Variants in MAP3K15 observed in about 807,000 individuals in gnomAD.
MAP3K15 encodes the protein mitogen-activated protein kinase kinase kinase 15.
A neutral mutation model predicts 99.5 loss-of-function variants in MAP3K15; 124 were observed. The ratio of observed to expected loss-of-function variants is 1.25; its 90% CI spans 1.08 to 1.45. The LOEUF is 1.45. Ranked by LOEUF, MAP3K15 falls within the 40% of genes most tolerant of loss-of-function variation. The pLI is 0.00. For synonymous variants in MAP3K15, 494 were observed against 439.6 expected, an observed-to-expected ratio of 1.12 and a Z score of -1.55; for missense variants, 1,242 against 1,079.7, an observed-to-expected ratio of 1.15 and a Z score of -2.11.
At chrX:19,418,879 A>T (rs1194099411) in intron 9 of MAP3K15, among the ~76,000 whole-genome samples, 19 of 112,131 alleles carry the variant, frequency 1.7e-4, no homozygotes, top group Middle Eastern at 4.6e-3. Context: ...GTGGGGGCCA[A>T]TATTCAACAT....
intron 18 of MAP3K15, among the ~76,000 whole-genome samples, chrX:19,383,916 G>A (rs1196576904): frequency 8.9e-6 from 1 of 111,885 alleles, no homozygotes; most frequent in Non-Finnish European, 1.9e-5. Context: ...CCACTATGGA[G>A]AACAGTTTGG....
In MAP3K15 at chrX:19,361,035, C is replaced by G. The variant is rs2063279016; in HGVS notation, c.3858-202G>C. 3 of 420,696 alleles carry G rather than the reference C, an allele frequency of 7.1e-6. No individual in the cohort carries two copies. In the African/African-American group the frequency reaches 7.3e-5, roughly 10 times the overall value. 34.7% of individuals were successfully genotyped at this position (420,696 alleles called of 1,213,427 possible). On this transcript the variant is annotated intron_variant, in intron 28 of 28. Transcript: ENST00000338883. Reference sequence around the variant, plus strand: ...CTGGCTATTTCAAATGACTCGGGAACAAGAAGGCAGGCTGCAGTTTAAAGA... The same window carrying G: ...CTGGCTATTTCAAATGACTCGGGAAGAAGAAGGCAGGCTGCAGTTTAAAGA...
intron 1 of MAP3K15, among the ~76,000 whole-genome samples, chrX:19,510,549 T>C (rs1314638071): frequency 8.9e-6 from 1 of 112,214 alleles, no homozygotes; most frequent in Non-Finnish European, 1.9e-5. Flanking sequence ...TATCTCAAAA[T>C]AATAAGAGCT....
chrX:19,448,744 A>G (rs781452161), intron 6 of MAP3K15, among the ~76,000 whole-genome samples: 5 of 109,682 alleles, frequency 4.6e-5, no homozygotes, highest in African/African-American at 1.6e-4. Flanking sequence ...AAACTTGGTC[A>G]TAACATTGTT....
At chrX:19,427,854 TACAAATACCCTCAGATCAG>T (rs1452280078) in intron 7 of MAP3K15, among the ~76,000 whole-genome samples, 1 of 111,390 alleles carries the variant, frequency 9.0e-6, no homozygotes, top group African/African-American at 3.3e-5. Flanking sequence ...TGAGGCATAA[TACAAATACCCTCAGATCAG>T]AGGACACCGA....
rs375872041 is a variant in MAP3K15 at position 19,510,478 on chromosome X, C to T, written c.361+4423G>A. Among the ~76,000 whole-genome samples the T allele has an allele frequency of 6.3e-3, 706 of 111,816 alleles. 7 individuals carry two copies. The highest frequency in any genetic ancestry group is 0.029 in the South Asian group (77 of 2,699). ...TCTCAATAGATGCAGAAAAGGCCTT[C>T]GATAAAATTCAACACCGCTTCATGC... On this transcript the variant is annotated intron_variant, in intron 1 of 28. Transcript: ENST00000338883.
Position 19,425,632 on chromosome X carries a change from G to T in MAP3K15, c.1338C>A (p.Tyr446Ter). ...RKGSLEKMNN[Y>*]WDVGQFFSVS... ...CGCTGAAGAACTGACCCACATCCCA[G>T]TAATTGTTCATTTTCTCCAAGCTCC... Residue 446 changes from tyrosine to a stop codon, truncating the protein, a stop_gained, in exon 9 of 29, where the codon TAC (tyrosine) becomes TAA (stop). Coordinates refer to ENST00000338883, the MANE Select transcript of MAP3K15 (RefSeq NM_001001671.4). LOFTEE classifies it high-confidence loss of function. 1.7e-6 allele frequency: 2 copies of T among 1,199,126 alleles called. No individual in the cohort carries two copies. The highest frequency in any genetic ancestry group is 2.2e-6 in the Non-Finnish European group (2 of 894,372).
chrX:19,381,236 G>A (rs2063456059), intron 18 of MAP3K15, among the ~76,000 whole-genome samples: 1 of 112,219 alleles, frequency 8.9e-6, no homozygotes, highest in African/African-American at 3.2e-5. Flanking sequence ...GAAGGTCTCT[G>A]AAGGACAAAG....
intron 16 of MAP3K15, among the ~76,000 whole-genome samples, chrX:19,393,353 G>A (rs1026368982): frequency 1.8e-5 from 2 of 111,997 alleles, no homozygotes; most frequent in South Asian, 3.7e-4. Flanking sequence ...GTAAGGGGCC[G>A]GGCACGGTGG....
chrX:19,450,376 G>GA (rs1320820127), intron 6 of MAP3K15, among the ~76,000 whole-genome samples: 2 of 107,913 alleles, frequency 1.9e-5, no homozygotes, highest in East Asian at 5.7e-4. Context: ...GAGAGGAGAC[G>GA]AAAAAAATAA....
intron 5 of MAP3K15, among the ~76,000 whole-genome samples, chrX:19,458,406 C>G (rs990253606): frequency 2.7e-5 from 3 of 112,296 alleles, no homozygotes; most frequent in Non-Finnish European, 5.6e-5. Flanking sequence ...TGGCCAGGCA[C>G]GGTGGCTCAC....
At chrX:19,512,642 C>CTTTTTTTTTTTTTTTTT (rs896407684) in intron 1 of MAP3K15, among the ~76,000 whole-genome samples, 1 of 71,252 alleles carries the variant, frequency 1.4e-5, no homozygotes, top group African/African-American at 6.6e-5. Context: ...CCACATCCTG[C>CTTTTTTTTTTTTTTTTT]TTTTTTTTTT....
At chrX:19,467,534 C>T (rs1282590784) in intron 3 of MAP3K15, among the ~76,000 whole-genome samples, 4 of 110,250 alleles carry the variant, frequency 3.6e-5, no homozygotes, top group Non-Finnish European at 7.6e-5. Context: ...TTTGGGAGGC[C>T]GAGGTGGATG....
Position 19,515,266 on chromosome X carries a change from C to T in MAP3K15, c.-5G>A. ...ATTCCCACCGCCGCTCTCCATGTGC[C>T]CGCCTGCGCGCCCTTCCCCTGGGCG... On this transcript the variant is annotated 5_prime_UTR_variant, in exon 1 of 29. Transcript: ENST00000338883. 1 of 887,790 alleles carries T rather than the reference C, an allele frequency of 1.1e-6. No homozygotes were observed. The highest frequency in any genetic ancestry group is 2.1e-5 in the African/African-American group (1 of 47,608). The allele number at this position is 887,790 out of a possible 1,213,427, so 73.2% of individuals were successfully genotyped here.
At chrX:19,475,643 C>G (rs1435748543) in intron 3 of MAP3K15, among the ~76,000 whole-genome samples, 1 of 111,154 alleles carries the variant, frequency 9.0e-6, no homozygotes, top group Non-Finnish European at 1.9e-5. Flanking sequence ...CATCTGCAAA[C>G]AGCTTCCTAG....
At chrX:19,433,092 A>G (rs1051135304) in intron 6 of MAP3K15, among the ~76,000 whole-genome samples, 2 of 111,754 alleles carry the variant, frequency 1.8e-5, no homozygotes, top group Non-Finnish European at 3.8e-5. Context: ...TAAATCCAGC[A>G]TTGGGGTATA....
intron 7 of MAP3K15, among the ~76,000 whole-genome samples, chrX:19,428,965 T>C (rs1490270456): frequency 9.2e-6 from 1 of 108,113 alleles, no homozygotes; most frequent in Non-Finnish European, 1.9e-5. Context: ...TGAGACTCAG[T>C]CTCAAAAAAA....
At chrX:19,484,650 T>C (rs1197987076) in intron 3 of MAP3K15, among the ~76,000 whole-genome samples, 1 of 111,858 alleles carries the variant, frequency 8.9e-6, no homozygotes, top group Admixed American at 9.5e-5. Context: ...TACTGATGCA[T>C]CCAACAGTGA....
At chrX:19,378,698 A>G (rs2063437598) in intron 19 of MAP3K15, among the ~76,000 whole-genome samples, 2 of 111,515 alleles carry the variant, frequency 1.8e-5, no homozygotes, top group Admixed American at 1.9e-4. Context: ...CATGTTTCTA[A>G]GCATACATGA....
Sources: allele counts gnomAD v4.1 joint callset (sites outside exome capture counted in the v4.1 genomes callset), GRCh38; gene constraint gnomAD v4.1.1; transcripts MANE v1.5; gene names NCBI Gene and HGNC (gene_info 2026-07-23, HGNC 2026-07-21).